SYMPK: variants seen among roughly 807,000 people sequenced by gnomAD.
SYMPK encodes the protein symplekin scaffold protein.
SYMPK carries 49 observed loss-of-function variants against 136.4 expected under a neutral mutation model. The observed-to-expected ratio is 0.36, with a 90% confidence interval of 0.29 to 0.46. The LOEUF (loss-of-function observed/expected upper bound fraction) is 0.46, where lower values mean the gene tolerates loss of function less well. Ranked by LOEUF, SYMPK falls within the 20% of genes least tolerant of loss-of-function variation. SYMPK has a pLI of 1.00. For synonymous variants in SYMPK, 766 were observed against 713.0 expected (o/e 1.07, Z -1.19); for missense variants, 1,365 against 1,690.0 (o/e 0.81, Z 3.37).
chr19:45,842,476 C>T lies in SYMPK; in HGVS notation c.861G>A (p.Pro287=), dbSNP rs150307195. ...TGCTCACCTGCGATTTGGCCAGCGT[C>T]GGGGGCAGGTTGGCTGTGAGGAAAG... ...AYETLHANLP[P]TLAKSQVSSV... is the part of the protein sequence containing the mutation. The change falls in exon 9 of 27, where the codon CCG becomes CCA. Residue 287 remains proline (P), a synonymous_variant. Coordinates refer to ENST00000245934, the MANE Select transcript of SYMPK (RefSeq NM_004819.3). 891 of 1,611,746 alleles carry T rather than the reference C, an allele frequency of 5.5e-4. 6 individuals carry two copies. The highest frequency in any genetic ancestry group is 2.5e-3 in the Admixed American group (152 of 60,002).
chr19:45,847,617 C>T, intron 7 of SYMPK, 135 bp downstream of exon 7: 1 of 1,071,138 alleles, frequency 9.3e-7, no homozygotes, highest in Non-Finnish European at 1.3e-6. Flanking sequence ...GAACCTAGCA[C>T]CAGGGATCTT....
rs937031619 is a variant in SYMPK, at chr19:45,824,430, G to T, written c.2491-555C>A. 3.9e-5 allele frequency among the ~76,000 whole-genome samples: 6 copies of T among 152,260 alleles called. No individual in the cohort carries two copies. In the East Asian group the frequency reaches 1.2e-3, roughly 29 times the overall value. The stretch of plus-strand genomic sequence containing the variant: ...GCCAGATAACTTTTCTGCAAAGTGA[G>T]ATCACTTTTCCACAGCTGGACCACC... On this transcript the variant is annotated intron_variant, in intron 18 of 26. Coordinates refer to ENST00000245934, the MANE Select transcript of SYMPK (RefSeq NM_004819.3).
At chr19:45,817,417 CTTTTTTTTTTTTT>C (rs559430104) in intron 23 of SYMPK, among the ~76,000 whole-genome samples, 38,392 of 108,588 alleles carry the variant, frequency 0.35, 6,197 homozygotes, top group Admixed American at 0.48. Context: ...TTTTTGTTCT[CTTTTTTTTTTTTT>C]TTTTTTTTTT....
intron 1 of SYMPK, chr19:45,855,470 G>GAA (rs978593910): frequency 6.6e-6 from 1 of 151,902 alleles, no homozygotes; most frequent in Admixed American, 6.6e-5. Context: ...GAGACTGGCT[G>GAA]AAAAAAAGTT....
chr19:45,826,997 C>T (rs933646600), intron 16 of SYMPK, among the ~76,000 whole-genome samples: 2 of 152,178 alleles, frequency 1.3e-5, no homozygotes, highest in Admixed American at 1.3e-4. Context: ...AAGTCCCCTC[C>T]TTGAAAGAAG....
Position 45,816,592 on chromosome 19 carries a change from G to A in SYMPK, c.3259-15C>T, listed in dbSNP as rs190065090. ...ATGTGAGCTTGCTGGGTGGAGAGCA[G>A]GAAGGGGGCGCTGGGGGCAGCTCTG... On this transcript the variant is annotated splice_polypyrimidine_tract_variant and intron_variant, in intron 24 of 26. Coordinates refer to ENST00000245934, the MANE Select transcript of SYMPK (RefSeq NM_004819.3). 123 of 1,613,328 alleles carry A rather than the reference G, an allele frequency of 7.6e-5. No individual in the cohort carries two copies. Among genetic ancestry groups the A allele is most frequent in the Admixed American group, 4.5e-4 (27 of 60,006 alleles).
chr19:45,863,105 T>G lies in SYMPK; in HGVS notation c.-60A>C. 2.5e-6 allele frequency: 1 copy of G among 403,770 alleles called. No homozygotes were observed. The allele number at this position is 403,770 out of a possible 1,614,324, so 25.0% of individuals were successfully genotyped here. ...CTCGCGCCCCCTCAGCAGTGCCTCT[T>G]CCTACACTCCGCCGCCGCCGCCGCC... On this transcript the variant is annotated 5_prime_UTR_variant, in exon 1 of 27. Coordinates refer to ENST00000245934, the MANE Select transcript of SYMPK (RefSeq NM_004819.3).
chr19:45,829,772 C>T (rs1234116803), intron 13 of SYMPK, among the ~76,000 whole-genome samples: 1 of 152,202 alleles, frequency 6.6e-6, no homozygotes, highest in Non-Finnish European at 1.5e-5. Context: ...AGAACCAAGA[C>T]CACAAGAGCA....
intron 1 of SYMPK, among the ~76,000 whole-genome samples, chr19:45,860,619 A>G (rs975878791): frequency 7.9e-5 from 12 of 152,304 alleles, no homozygotes; most frequent in Middle Eastern, 6.8e-3. Context: ...TGTATATATT[A>G]GAATTAATAT....
rs760411425 is a variant in SYMPK, at chr19:45,852,360, T to C, written c.251A>G (p.Lys84Arg). Reference sequence around the variant, plus strand: ...GACAAATTTTCGCACTTCGATTGACTTGTCTGCTTGGAATGCGATGATCTC... The same window carrying C: ...GACAAATTTTCGCACTTCGATTGACCTGTCTGCTTGGAATGCGATGATCTC... ...LDEIIAFQAD[K>R]SIEVRKFVIG... The change falls in exon 5 of 27, where the codon AAG becomes AGG. Residue 84 changes from lysine to arginine, a missense_variant. By Grantham distance (26) the Lys-to-Arg change is conservative. Transcript: ENST00000245934. 5.0e-6 allele frequency: 8 copies of C among 1,614,198 alleles called. No homozygotes were observed. The highest frequency in any genetic ancestry group is 1.3e-5 in the African/African-American group (1 of 75,070).
chr19:45,819,673 C>T (rs1192886828), intron 22 of SYMPK: 3 of 152,346 alleles, frequency 2.0e-5, no homozygotes, highest in Non-Finnish European at 2.9e-5. Context: ...CTAGGGCTGT[C>T]TTTCCTGTGT....
intron 12 of SYMPK, 102 bp downstream of exon 12, chr19:45,831,282 T>TACACACACAC (rs67226135): frequency 1.2e-4 from 80 of 675,202 alleles, no homozygotes; most frequent in Middle Eastern, 4.4e-4. Flanking sequence ...GCATCTCAGT[T>TACACACACAC]ACACACACAC....
chr19:45,817,059 A>G, intron 23 of SYMPK, 85 bp from the exon 24 acceptor site: 1 of 1,370,014 alleles, frequency 7.3e-7, no homozygotes, highest in Non-Finnish European at 9.9e-7. Flanking sequence ...CCTTGCCAAG[A>G]CCATGCCCAA....
At position 45,847,832 on chromosome 19, in the gene SYMPK, G is replaced by C; in HGVS notation, c.596C>G (p.Ala199Gly). The C allele has an allele frequency of 6.2e-7, 1 of 1,614,108 alleles. No individual in the cohort carries two copies. Among genetic ancestry groups the C allele is most frequent in the Non-Finnish European group, 8.5e-7 (1 of 1,180,030 alleles). Residue 199 changes from alanine (A) to glycine (G), a missense_variant, in exon 7 of 27, where the codon GCT becomes GGT. Physicochemically the swap from Ala to Gly is moderately conservative, Grantham distance 60 (BLOSUM62 0). This residue lies in a region of SYMPK where 237 missense variants were observed against 292.9 expected (regional missense o/e 0.81). Coordinates refer to ENST00000245934, the MANE Select transcript of SYMPK (RefSeq NM_004819.3). ...GLIVTLSPRM[A>G]DSEIPRRQEH... ...CTGGCGTCGGGGTATCTCTGAGTCA[G>C]CCATGCGGGGTGACAGGGTGACAAT... is the stretch of plus-strand genomic sequence containing the variant.
At chr19:45,820,630 T>C (rs1970866300) in intron 22 of SYMPK, 2 of 156,656 alleles carry the variant, frequency 1.3e-5, no homozygotes, top group African/African-American at 4.8e-5. Context: ...CCAGAAACCT[T>C]GCTCAGGAGG....
At chr19:45,838,725 A>G in intron 9 of SYMPK, 110 bp from the exon 10 acceptor site, 1 of 1,233,318 alleles carries the variant, frequency 8.1e-7, no homozygotes, top group Non-Finnish European at 1.1e-6. Context: ...AGCAAACAGG[A>G]GCAAACAGCG....
chr19:45,843,374 A>G (rs575976248), intron 8 of SYMPK, among the ~76,000 whole-genome samples: 25 of 152,328 alleles, frequency 1.6e-4, no homozygotes, highest in Admixed American at 1.1e-3. Flanking sequence ...TTCGTTTCAC[A>G]AAACAGAGAA....
intron 23 of SYMPK, among the ~76,000 whole-genome samples, chr19:45,817,417 C>CTCTCTTTTTTTTTTTT (rs1568605965): frequency 2.8e-5 from 3 of 108,480 alleles, no homozygotes; most frequent in South Asian, 3.1e-4. Flanking sequence ...TTTTTGTTCT[C>CTCTCTTTTTTTTTTTT]TTTTTTTTTT....
At position 45,842,316 on chromosome 19, in the gene SYMPK, T is replaced by C; in HGVS notation, c.1021A>G (p.Ser341Gly). The change falls in exon 9 of 27, where the codon AGC becomes GGC. Residue 341 changes from serine (S) to glycine (G), a missense_variant. By Grantham distance (56) the Ser-to-Gly change is moderately conservative. Transcript: ENST00000245934. ...PQAEIARNMP[S>G]SKDTRKRPRD... ...GGCCGCTTGCGGGTGTCCTTGCTGC[T>C]CGGCATGTTGCGGGCGATCTCGGCC... 6.2e-7 allele frequency: 1 copy of C among 1,614,194 alleles called. No individual in the cohort carries two copies. Among genetic ancestry groups the C allele is most frequent in the Non-Finnish European group, 8.5e-7 (1 of 1,180,036 alleles).
Sources: gnomAD v4.1 joint callset for allele counts (sites outside exome capture counted in the v4.1 genomes callset) on GRCh38, gnomAD v4.1.1 for gene constraint, gnomAD v4.1.1 regional missense constraint, MANE v1.5 for transcripts, NCBI Gene and HGNC (gene_info 2026-07-23, HGNC 2026-07-21) for gene names.